The following CDH23 variants were observed in gnomAD, a reference collection of about 807,000 sequenced individuals.
The protein encoded by CDH23 is cadherin-23.
In CDH23, 189 loss-of-function variants were observed where a neutral mutation model predicts 317.1. The observed-to-expected ratio is 0.60, with a 90% CI of 0.53 to 0.67. CDH23 has a LOEUF of 0.67. CDH23 is among the 30% of genes least tolerant of loss of function. The pLI, the probability that CDH23 is intolerant of heterozygous loss-of-function variation, is 0.00. For synonymous variants in CDH23, 1,839 were observed against 1,876.8 expected (o/e 0.98, Z 0.52); for missense variants, 4,401 against 4,592.4 (o/e 0.96, Z 1.20).
At position 71,574,572 on chromosome 10, in the gene CDH23, G is replaced by A. The variant is rs574960816; in HGVS notation, c.754-3342G>A. On this transcript the variant is annotated intron_variant, in intron 8 of 69. Coordinates refer to ENST00000224721, the MANE Select transcript of CDH23 (RefSeq NM_022124.6). ...CTCCTACTCCTGAAGCAAGCTGCAC[G>A]TTCACCTTTCAAGTCCTTAATCCCG... 2.6e-5 allele frequency among the ~76,000 whole-genome samples: 4 copies of A among 152,230 alleles called. No individual in the cohort carries two copies. The South Asian group carries it at 6.2e-4, about 24-fold the overall frequency.
chr10:71,599,115 AG>A (rs1860049991), intron 9 of CDH23, among the ~76,000 whole-genome samples: 1 of 152,220 alleles, frequency 6.6e-6, no homozygotes, highest in African/African-American at 2.4e-5. Flanking sequence ...TATTTAGAAA[AG>A]TACAGAAACC....
intron 1 of CDH23, among the ~76,000 whole-genome samples, chr10:71,429,623 G>A (rs950927671): frequency 1.3e-5 from 2 of 152,196 alleles, no homozygotes; most frequent in African/African-American, 2.4e-5. Flanking sequence ...GGACAGGGGG[G>A]AAAGTCGTAT....
intron 11 of CDH23, among the ~76,000 whole-genome samples, chr10:71,630,938 C>T (rs1013249172): frequency 1.3e-5 from 2 of 152,110 alleles, no homozygotes; most frequent in African/African-American, 4.8e-5. Flanking sequence ...TTGCCAACAC[C>T]CAGATTGTAT....
chr10:71,815,039 C>T lies in CDH23; in HGVS notation c.9826C>T (p.Leu3276Phe). 6.2e-7 allele frequency: 1 copy of T among 1,612,702 alleles called. No homozygotes were observed. Among genetic ancestry groups the T allele is most frequent in the Non-Finnish European group, 8.5e-7 (1 of 1,179,728 alleles). ...LRFRHKPPVE[L>F]KGPDGIHVVH... ...CTTCCGCCACAAGCCACCAGTGGAG[C>T]TCAAGGGGCCCGATGGGATCCATGT... The change falls in exon 70 of 70, where the codon CTC becomes TTC. Residue 3276 changes from leucine (L) to phenylalanine (F), a missense_variant. Leu to Phe is a conservative substitution (Grantham distance 22). This residue lies in a region of CDH23 where 1,144 missense variants were observed against 1,138.2 expected (regional missense o/e 1.01). Coordinates refer to ENST00000224721, the MANE Select transcript of CDH23 (RefSeq NM_022124.6).
chr10:71,622,931 A>T, intron 11 of CDH23: 1 of 985,446 alleles, frequency 1.0e-6, no homozygotes, highest in Non-Finnish European at 1.2e-6. Context: ...TTCGGGCCTC[A>T]TTAATTTGCC....
At chr10:71,682,639 C>T in intron 18 of CDH23, 67 bp downstream of exon 18, 1 of 1,583,592 alleles carries the variant, frequency 6.3e-7, no homozygotes, top group South Asian at 1.1e-5. Context: ...CCTGTGAACC[C>T]AGTACTGTAG....
intron 6 of CDH23, among the ~76,000 whole-genome samples, chr10:71,526,165 G>T (rs114541295): frequency 1.8e-3 from 279 of 152,346 alleles, no homozygotes; most frequent in African/African-American, 6.3e-3. Flanking sequence ...CCCTGCCTTG[G>T]TTCCCAAGTC....
intron 38 of CDH23, among the ~76,000 whole-genome samples, chr10:71,754,741 A>G (rs1434411015): frequency 6.6e-6 from 1 of 152,180 alleles, no homozygotes; most frequent in Non-Finnish European, 1.5e-5. Context: ...TGGACTTGCA[A>G]TGAGGAGTAA....
chr10:71,523,618 G>T (rs1048070752), intron 6 of CDH23, among the ~76,000 whole-genome samples: 1 of 152,190 alleles, frequency 6.6e-6, no homozygotes, highest in African/African-American at 2.4e-5. Flanking sequence ...AAATAAGTGA[G>T]CAAGCCTTAG....
intron 44 of CDH23, among the ~76,000 whole-genome samples, chr10:71,787,631 A>G (rs1235208583): frequency 6.6e-6 from 1 of 152,190 alleles, no homozygotes; most frequent in Non-Finnish European, 1.5e-5. Context: ...ATAAGTGAAA[A>G]TATGCAATAT....
intron 14 of CDH23, among the ~76,000 whole-genome samples, chr10:71,650,540 A>G (rs1863118323): frequency 6.6e-6 from 1 of 152,168 alleles, no homozygotes; most frequent in African/African-American, 2.4e-5. Flanking sequence ...AGGTATGTGT[A>G]TGTAATATAC....
Position 71,533,453 on chromosome 10 carries a change from C to T in CDH23, c.429+22241C>T, listed in dbSNP as rs182729727. ...ACACAAATGAAACACCGCCCTGCCC[C>T]GCAGAAGCCTGTGGTCTAATGAGGG... On this transcript the variant is annotated intron_variant, in intron 6 of 69. Coordinates refer to ENST00000224721, the MANE Select transcript of CDH23 (RefSeq NM_022124.6). Among the ~76,000 whole-genome samples, 898 of 152,050 alleles carry T rather than the reference C, an allele frequency of 5.9e-3. 2 individuals carry two copies. Among genetic ancestry groups the T allele is most frequent in the Middle Eastern group, 0.01 (3 of 292 alleles).
chr10:71,493,803 C>T (rs762085393), intron 3 of CDH23, among the ~76,000 whole-genome samples: 3 of 152,138 alleles, frequency 2.0e-5, no homozygotes, highest in Admixed American at 6.5e-5. Flanking sequence ...ATTAATGATT[C>T]GCGAAATACA....
At chr10:71,432,815 C>T (rs1027246841) in intron 1 of CDH23, among the ~76,000 whole-genome samples, 5 of 152,124 alleles carry the variant, frequency 3.3e-5, no homozygotes, top group African/African-American at 9.7e-5. Context: ...CTGGGACCCA[C>T]GGCCCAGGAT....
At chr10:71,620,648 T>G (rs1045794864) in intron 11 of CDH23, among the ~76,000 whole-genome samples, 1 of 152,142 alleles carries the variant, frequency 6.6e-6, no homozygotes, top group Non-Finnish European at 1.5e-5. Flanking sequence ...CTGCTCTCCA[T>G]GGCTGTTTTC....
chr10:71,648,180 C>G (rs1862988359), intron 14 of CDH23, among the ~76,000 whole-genome samples: 1 of 152,218 alleles, frequency 6.6e-6, no homozygotes, highest in Non-Finnish European at 1.5e-5. Context: ...TAGCCCATGA[C>G]TCCTCCAGCT....
intron 6 of CDH23, among the ~76,000 whole-genome samples, chr10:71,561,682 C>T (rs1046578957): frequency 8.5e-5 from 13 of 152,124 alleles, no homozygotes; most frequent in African/African-American, 1.7e-4. Flanking sequence ...CAAGACCTGC[C>T]GTGGGTTACT....
chr10:71,529,863 C>T (rs994768969), intron 6 of CDH23, among the ~76,000 whole-genome samples: 1 of 152,082 alleles, frequency 6.6e-6, no homozygotes, highest in African/African-American at 2.4e-5. Context: ...AGGACAGGCC[C>T]CTCTCACCCA....
chr10:71,809,610 CCT>C lies in CDH23; in HGVS notation c.8723-209_8723-208del, dbSNP rs529939001. ...GTCACAAACTTGTCATCCGCACTCC[CCT>C]GTGATGATAACCGGCTGAGACCCGA... is the stretch of plus-strand genomic sequence containing the variant. On this transcript the variant is annotated intron_variant, in intron 60 of 69. Transcript: ENST00000224721. Among the ~76,000 whole-genome samples the C allele has an allele frequency of 2.5e-3, 379 of 152,324 alleles. 1 individual carries two copies. Among genetic ancestry groups the C allele is most frequent in the African/African-American group, 8.4e-3 (351 of 41,578 alleles).
Sources: allele counts gnomAD v4.1 joint callset (sites outside exome capture counted in the v4.1 genomes callset), GRCh38; gene constraint gnomAD v4.1.1; regional missense constraint gnomAD v4.1.1; transcripts MANE v1.5; gene names NCBI Gene and HGNC (gene_info 2026-07-23, HGNC 2026-07-21).